ASIC2: variants seen among roughly 807,000 people sequenced by gnomAD.
The protein encoded by ASIC2 is acid sensing ion channel subunit 2, also known as acid-sensing ion channel 2.
A neutral mutation model predicts 57.3 loss-of-function variants in ASIC2; 25 were observed. The observed-to-expected ratio is 0.44, with a 90% CI of 0.32 to 0.61. ASIC2 has a LOEUF of 0.61. Ranked by LOEUF, ASIC2 falls within the 20% of genes least tolerant of loss-of-function variation. The pLI, the probability that ASIC2 is intolerant of heterozygous loss-of-function variation, is 0.06. For missense variants in ASIC2, 641 were observed against 738.1 expected, an observed-to-expected ratio of 0.87 and a Z score of 1.52; for synonymous variants, 319 against 307.5, an observed-to-expected ratio of 1.04 and a Z score of -0.39.
chr17:33,727,909 T>C (rs1052770317), intron 1 of ASIC2, among the ~76,000 whole-genome samples: 3 of 152,196 alleles, frequency 2.0e-5, no homozygotes, highest in African/African-American at 7.2e-5. Context: ...ATATTGTCTA[T>C]CCACCAACAA....
At chr17:33,604,390 C>T (rs929949345) in intron 1 of ASIC2, among the ~76,000 whole-genome samples, 1 of 152,122 alleles carries the variant, frequency 6.6e-6, no homozygotes, top group African/African-American at 2.4e-5. Flanking sequence ...TGGTCTAGCT[C>T]CTTGGGTGCC....
intron 1 of ASIC2, among the ~76,000 whole-genome samples, chr17:33,638,589 T>C (rs968669446): frequency 1.3e-5 from 2 of 152,168 alleles, no homozygotes; most frequent in Admixed American, 1.3e-4. Context: ...CACAAACATT[T>C]ATTTGTCATT....
At chr17:34,061,269 G>T (rs1908960462) in intron 1 of ASIC2, among the ~76,000 whole-genome samples, 1 of 152,014 alleles carries the variant, frequency 6.6e-6, no homozygotes, top group Non-Finnish European at 1.5e-5. Context: ...ATGAAGGAAA[G>T]ATACAGTAAT....
intron 1 of ASIC2, chr17:33,936,580 G>A (rs1395898690): frequency 3.3e-5 from 5 of 152,276 alleles, no homozygotes; most frequent in African/African-American, 1.2e-4. Context: ...TGAGGGGCTG[G>A]GAGGACAGAG....
At chr17:34,072,526 A>C (rs1909454274) in intron 1 of ASIC2, among the ~76,000 whole-genome samples, 1 of 152,252 alleles carries the variant, frequency 6.6e-6, no homozygotes. Context: ...CCAGGTTCTA[A>C]AAGCAATATA....
rs1905570909 is a variant in ASIC2 at position 33,293,069 on chromosome 17, C to T, written c.-954G>A. ...CCGCGGCGACAAGAGCTGGGGACTG[C>T]GGGGACCCGCCAACACCTCCCGGGG... On this transcript the variant is annotated 5_prime_UTR_variant, in exon 1 of 10. Coordinates refer to ENST00000225823, the MANE Select transcript of ASIC2 (RefSeq NM_183377.2). 1.9e-5 allele frequency: 19 copies of T among 982,372 alleles called. No homozygotes were observed. The highest frequency in any genetic ancestry group is 2.3e-5 in the Non-Finnish European group (19 of 827,160). The allele number at this position is 982,372 out of a possible 1,614,324, so 60.9% of individuals were successfully genotyped here.
chr17:33,503,466 G>A (rs150137697), intron 1 of ASIC2, among the ~76,000 whole-genome samples: 3 of 152,130 alleles, frequency 2.0e-5, no homozygotes, highest in Non-Finnish European at 4.4e-5. Flanking sequence ...TGGGAGTCAG[G>A]GTTCCCCAGG....
At chr17:34,109,077 C>G (rs939614120) in intron 1 of ASIC2, among the ~76,000 whole-genome samples, 1 of 149,718 alleles carries the variant, frequency 6.7e-6, no homozygotes, top group East Asian at 2.0e-4. Context: ...TATTATTATA[C>G]TTTAAGTTTT....
intron 1 of ASIC2, among the ~76,000 whole-genome samples, chr17:33,803,425 C>A (rs992497378): frequency 3.9e-5 from 6 of 151,982 alleles, no homozygotes; most frequent in Non-Finnish European, 5.9e-5. Context: ...CTTAAGTGCA[C>A]TTTCAGTATA....
chr17:34,002,511 G>A (rs961226713), intron 1 of ASIC2: 1 of 152,176 alleles, frequency 6.6e-6, no homozygotes, highest in Non-Finnish European at 1.5e-5. Flanking sequence ...GAATTAAACA[G>A]GTTGCCTCCA....
chr17:33,705,619 T>G (rs1039802564), intron 1 of ASIC2, among the ~76,000 whole-genome samples: 4 of 152,240 alleles, frequency 2.6e-5, no homozygotes, highest in African/African-American at 9.6e-5. Flanking sequence ...AAGATTAGAA[T>G]GATGTGGTCA....
intron 1 of ASIC2, among the ~76,000 whole-genome samples, chr17:33,431,187 A>G (rs1567858947): frequency 6.6e-6 from 1 of 152,206 alleles, no homozygotes; most frequent in Non-Finnish European, 1.5e-5. Flanking sequence ...GTCTAAAAGG[A>G]TGAAACAGTC....
chr17:33,425,838 G>A (rs1165737835), intron 1 of ASIC2, among the ~76,000 whole-genome samples: 1 of 152,168 alleles, frequency 6.6e-6, no homozygotes, highest in African/African-American at 2.4e-5. Flanking sequence ...CACAGAAAAT[G>A]TGTGGGTGAC....
At chr17:33,354,847 G>A (rs1908315772) in intron 1 of ASIC2, among the ~76,000 whole-genome samples, 1 of 152,016 alleles carries the variant, frequency 6.6e-6, no homozygotes, top group Admixed American at 6.6e-5. Flanking sequence ...ATTTACCATT[G>A]CCCTCTCCCC....
At chr17:33,379,036 A>T (rs1272958280) in intron 1 of ASIC2, among the ~76,000 whole-genome samples, 1 of 152,234 alleles carries the variant, frequency 6.6e-6, no homozygotes, top group African/African-American at 2.4e-5. Context: ...ACTAAAAATT[A>T]TCCACAGGTA....
intron 1 of ASIC2, among the ~76,000 whole-genome samples, chr17:33,460,589 T>C (rs1912603219): frequency 6.6e-6 from 1 of 152,206 alleles, no homozygotes. Context: ...GGAAAACTAA[T>C]GGCCAAAGAT....
chr17:33,410,418 TTC>T (rs768726422), intron 1 of ASIC2, among the ~76,000 whole-genome samples: 18 of 152,196 alleles, frequency 1.2e-4, no homozygotes, highest in Non-Finnish European at 1.5e-4. Context: ...AGCTTATTAT[TTC>T]TCTCTTTGAA....
intron 1 of ASIC2, among the ~76,000 whole-genome samples, chr17:33,894,334 C>CATGCGTGT (rs1365923506): frequency 1.2e-4 from 17 of 136,036 alleles, no homozygotes; most frequent in South Asian, 4.5e-4. Flanking sequence ...GCTCTGCGTG[C>CATGCGTGT]GTGCGTGCGT....
chr17:34,117,411 A>G (rs753927036), intron 1 of ASIC2, among the ~76,000 whole-genome samples: 8 of 152,192 alleles, frequency 5.3e-5, no homozygotes, highest in Non-Finnish European at 1.0e-4. Flanking sequence ...GAGTTTCCCC[A>G]ATGTTGAAAT....
Sources: gnomAD v4.1 joint callset for allele counts (sites outside exome capture counted in the v4.1 genomes callset) on GRCh38, gnomAD v4.1.1 for gene constraint, MANE v1.5 for transcripts, NCBI Gene and HGNC (gene_info 2026-07-23, HGNC 2026-07-21) for gene names.